Variants in CPNE4 observed in about 807,000 individuals in gnomAD.
CPNE4 encodes copine 4, also known as copine-4.
In CPNE4, 25 loss-of-function variants were observed where a neutral mutation model predicts 67.9. The observed-to-expected ratio is 0.37, with a 90% confidence interval of 0.27 to 0.51. The LOEUF is 0.51. CPNE4 is among the 20% of genes least tolerant of loss of function. CPNE4 has a pLI of 0.93. For missense variants in CPNE4, 464 were observed against 690.8 expected, an observed-to-expected ratio of 0.67 and a Z score of 3.68; for synonymous variants, 242 against 244.9, an observed-to-expected ratio of 0.99 and a Z score of 0.11.
intron 2 of CPNE4, among the ~76,000 whole-genome samples, chr3:131,792,202 C>T (rs1332653467): frequency 6.6e-6 from 1 of 151,934 alleles, no homozygotes; most frequent in Non-Finnish European, 1.5e-5. Context: ...TGTTTCCATC[C>T]AATTTCTTTT....
At chr3:131,538,232 T>C (rs943866981) in intron 15 of CPNE4, among the ~76,000 whole-genome samples, 11 of 152,342 alleles carry the variant, frequency 7.2e-5, no homozygotes, top group Admixed American at 3.9e-4. Flanking sequence ...GGTCTTAGTC[T>C]CACGCAACTA....
At chr3:131,747,292 A>G (rs1188884366) in intron 2 of CPNE4, among the ~76,000 whole-genome samples, 1 of 151,808 alleles carries the variant, frequency 6.6e-6, no homozygotes, top group African/African-American at 2.4e-5. Context: ...GATATAATCC[A>G]TTTGTCTATC....
chr3:131,789,602 A>G (rs1031082379), intron 2 of CPNE4, among the ~76,000 whole-genome samples: 2 of 152,218 alleles, frequency 1.3e-5, no homozygotes, highest in Admixed American at 6.6e-5. Context: ...AAGCAATACC[A>G]GTACATGCTG....
intron 2 of CPNE4, among the ~76,000 whole-genome samples, chr3:131,896,656 G>C (rs567930607): frequency 6.6e-6 from 1 of 152,146 alleles, no homozygotes; most frequent in African/African-American, 2.4e-5. Context: ...GTTATAGAAG[G>C]TATTAACAGA....
chr3:131,620,660 A>G (rs1940413894), intron 7 of CPNE4, among the ~76,000 whole-genome samples: 1 of 152,216 alleles, frequency 6.6e-6, no homozygotes, highest in African/African-American at 2.4e-5. Context: ...TATAATTACA[A>G]GAGTCCTTAT....
chr3:132,016,156 T>C (rs1307596780), intron 1 of CPNE4, among the ~76,000 whole-genome samples: 1 of 152,150 alleles, frequency 6.6e-6, no homozygotes. Context: ...AAAAATTCAC[T>C]AGCACGCCAC....
chr3:131,813,846 T>C (rs2084629145), intron 2 of CPNE4, among the ~76,000 whole-genome samples: 1 of 152,200 alleles, frequency 6.6e-6, no homozygotes, highest in African/African-American at 2.4e-5. Context: ...TATGCTTAAT[T>C]ATACCAGACA....
Position 132,034,655 on chromosome 3 carries a change from G to T in CPNE4, c.-90C>A. The stretch of plus-strand genomic sequence containing the variant: ...CCAGGATGCAAAATCCGGCTTTGAA[G>T]TGGAGGTGGTTGGTGTGGTAGTTTT... On this transcript the variant is annotated 5_prime_UTR_variant, in exon 1 of 16. Transcript: ENST00000429747. 2.0e-6 allele frequency: 2 copies of T among 985,470 alleles called. No individual in the cohort carries two copies. Among genetic ancestry groups the T allele is most frequent in the South Asian group, 9.4e-5 (2 of 21,280 alleles). 61.0% of individuals were successfully genotyped at this position (985,470 alleles called of 1,614,324 possible).
intron 2 of CPNE4, among the ~76,000 whole-genome samples, chr3:131,765,744 A>G (rs886911457): frequency 6.6e-6 from 1 of 152,116 alleles, no homozygotes; most frequent in African/African-American, 2.4e-5. Flanking sequence ...TGTTGATGGA[A>G]GTGACATCGC....
chr3:131,775,204 G>A (rs2083263649), intron 2 of CPNE4, among the ~76,000 whole-genome samples: 1 of 152,070 alleles, frequency 6.6e-6, no homozygotes, highest in Non-Finnish European at 1.5e-5. Context: ...ACAGAAGGAG[G>A]GAAGAAAAGG....
chr3:131,978,090 T>TATATATAA (rs2072726897), intron 1 of CPNE4, among the ~76,000 whole-genome samples: 1 of 34,106 alleles, frequency 2.9e-5, no homozygotes, highest in Non-Finnish European at 4.6e-5. Flanking sequence ...TATATATAAA[T>TATATATAA]ATATATATAA....
At chr3:131,851,177 C>A (rs1352337508) in intron 2 of CPNE4, among the ~76,000 whole-genome samples, 1 of 151,956 alleles carries the variant, frequency 6.6e-6, no homozygotes, top group Non-Finnish European at 1.5e-5. Context: ...AATGGATTAC[C>A]TCTTGGGAGC....
intron 1 of CPNE4, among the ~76,000 whole-genome samples, chr3:131,997,224 G>A (rs1372529068): frequency 6.6e-6 from 1 of 152,120 alleles, no homozygotes; most frequent in Non-Finnish European, 1.5e-5. Context: ...GACCACTCCA[G>A]AATTCAATTT....
At chr3:131,683,422 G>A (rs116865754) in intron 6 of CPNE4, among the ~76,000 whole-genome samples, 7 of 152,220 alleles carry the variant, frequency 4.6e-5, no homozygotes, top group East Asian at 3.9e-4. Flanking sequence ...ATGTCGTCTC[G>A]GAGCTACGGC....
chr3:131,939,455 A>AG (rs1179438429), intron 1 of CPNE4, among the ~76,000 whole-genome samples: 2 of 152,186 alleles, frequency 1.3e-5, no homozygotes. Context: ...TATGAAGAAA[A>AG]GGAGAAGTTT....
At chr3:131,542,850 A>G (rs1935585486) in intron 14 of CPNE4, 57 bp from the exon 15 acceptor site, 1 of 1,213,708 alleles carries the variant, frequency 8.2e-7, no homozygotes, top group African/African-American at 1.5e-5. Context: ...GGAGACAAGG[A>G]CAATACAATA....
intron 1 of CPNE4, among the ~76,000 whole-genome samples, chr3:131,968,529 C>T (rs1331816819): frequency 7.9e-5 from 12 of 151,972 alleles, no homozygotes; most frequent in Admixed American, 7.2e-4. Flanking sequence ...ACAATCCCAT[C>T]GAAAGTGGGC....
chr3:131,704,455 G>A (rs1259173578), intron 3 of CPNE4, among the ~76,000 whole-genome samples: 1 of 152,184 alleles, frequency 6.6e-6, no homozygotes, highest in Non-Finnish European at 1.5e-5. Context: ...ACTTGTCCCA[G>A]TGAAATGAAG....
At chr3:131,848,647 TAGTA>T (rs962385132) in intron 2 of CPNE4, among the ~76,000 whole-genome samples, 3 of 141,730 alleles carry the variant, frequency 2.1e-5, no homozygotes, top group Non-Finnish European at 4.6e-5. Context: ...CTTAGGTGAT[TAGTA>T]ATTAAATGTG....
Sources: gnomAD v4.1 joint callset for allele counts (sites outside exome capture counted in the v4.1 genomes callset) on GRCh38, gnomAD v4.1.1 for gene constraint, MANE v1.5 for transcripts, NCBI Gene and HGNC (gene_info 2026-07-23, HGNC 2026-07-21) for gene names.